SHANK2: variants seen among roughly 807,000 people sequenced by gnomAD.
SHANK2 encodes SH3 and multiple ankyrin repeat domains protein 2.
Under a neutral mutation model 133.7 loss-of-function variants are expected in SHANK2, and 43 were observed. That is an observed-to-expected ratio of 0.32 (90% CI 0.25 to 0.41). SHANK2 has a LOEUF of 0.41. Among genes scored for constraint, SHANK2 ranks in the 10% least tolerant of loss-of-function variants. The pLI, the probability that SHANK2 is intolerant of heterozygous loss-of-function variation, is 1.00. For synonymous variants in SHANK2, 1,017 were observed against 952.8 expected (o/e 1.07, Z -1.24); for missense variants, 1,994 against 2,235.8 (o/e 0.89, Z 2.18).
chr11:70,647,847 G>A (rs571979748), intron 17 of SHANK2, among the ~76,000 whole-genome samples: 3 of 152,194 alleles, frequency 2.0e-5, no homozygotes, highest in Non-Finnish European at 4.4e-5. Context: ...CCCCGGATGG[G>A]GACTCTGGGG....
intron 12 of SHANK2, among the ~76,000 whole-genome samples, chr11:70,813,729 T>C (rs915264471): frequency 6.6e-6 from 1 of 152,128 alleles, no homozygotes; most frequent in Admixed American, 6.5e-5. Flanking sequence ...GGCTGACAGT[T>C]GTTTTAAAGT....
At chr11:70,671,212 C>T (rs1944798027) in intron 15 of SHANK2, among the ~76,000 whole-genome samples, 1 of 152,216 alleles carries the variant, frequency 6.6e-6, no homozygotes, top group African/African-American at 2.4e-5. Context: ...TACGGCTTAA[C>T]TGCGCTCATG....
chr11:70,667,462 G>A (rs1279865066), intron 15 of SHANK2, among the ~76,000 whole-genome samples: 4 of 152,140 alleles, frequency 2.6e-5, no homozygotes, highest in Non-Finnish European at 2.9e-5. Context: ...GTCTCTCCCC[G>A]CTGGCAGGCC....
intron 1 of SHANK2, among the ~76,000 whole-genome samples, chr11:71,235,589 C>T (rs1360478404): frequency 8.9e-6 from 1 of 112,014 alleles, no homozygotes; most frequent in African/African-American, 4.7e-5. Context: ...GTGAAACTCT[C>T]TCTCGGGGAA....
chr11:70,616,573 C>T (rs922239004), intron 17 of SHANK2, among the ~76,000 whole-genome samples: 1 of 152,150 alleles, frequency 6.6e-6, no homozygotes, highest in Non-Finnish European at 1.5e-5. Flanking sequence ...GGCACTGTTC[C>T]CCACAGACCC....
intron 17 of SHANK2, among the ~76,000 whole-genome samples, chr11:70,551,861 G>A (rs912704520): frequency 1.3e-4 from 20 of 152,346 alleles, no homozygotes; most frequent in South Asian, 4.1e-4. Flanking sequence ...ACAGTCAGGA[G>A]TGCTGGGCTA....
Position 70,811,637 on chromosome 11 carries a change from T to TCATCCATCCATC in SHANK2, c.1494-4478_1494-4467dup, listed in dbSNP as rs140137476. 3.5e-3 allele frequency among the ~76,000 whole-genome samples: 510 copies of TCATCCATCCATC among 147,642 alleles called. 3 individuals are homozygous for TCATCCATCCATC. The highest frequency in any genetic ancestry group is 0.012 in the African/African-American group (495 of 39,766). ...ATCTACCTATCCATCATCCATCCAC[T>TCATCCATCCATC]CATCCATCCATCCATCCATCCATCA... On this transcript the variant is annotated intron_variant, in intron 12 of 25. Transcript: ENST00000601538.
intron 4 of SHANK2, among the ~76,000 whole-genome samples, chr11:71,114,343 A>T (rs1951941577): frequency 6.6e-6 from 1 of 152,194 alleles, no homozygotes. Flanking sequence ...AGAGCCAGCA[A>T]AAACCGCCCC....
intron 3 of SHANK2, among the ~76,000 whole-genome samples, chr11:71,139,420 T>C (rs1437818908): frequency 4.6e-5 from 7 of 151,882 alleles, no homozygotes; most frequent in African/African-American, 1.7e-4. Context: ...AGTTAATGGG[T>C]GCAGCACAGC....
At chr11:70,876,064 G>A (rs1555071175) in intron 11 of SHANK2, among the ~76,000 whole-genome samples, 1 of 151,822 alleles carries the variant, frequency 6.6e-6, no homozygotes, top group African/African-American at 2.4e-5. Flanking sequence ...GCTGAGGCAG[G>A]AGAATCACTT....
chr11:70,811,680 T>C (rs1948283567), intron 12 of SHANK2, among the ~76,000 whole-genome samples: 1 of 148,972 alleles, frequency 6.7e-6, no homozygotes, highest in African/African-American at 2.5e-5. Context: ...ATCCATCCAT[T>C]CATCCAACAT....
intron 2 of SHANK2, among the ~76,000 whole-genome samples, chr11:71,210,544 C>A (rs1023767771): frequency 6.6e-6 from 1 of 151,942 alleles, no homozygotes. Flanking sequence ...GCCACCATGC[C>A]CAGCCCAGAT....
At chr11:70,492,276 AC>A (rs1252655472) in intron 22 of SHANK2, 58 bp downstream of exon 22, 2 of 1,599,564 alleles carry the variant, frequency 1.3e-6, no homozygotes, top group Admixed American at 1.7e-5. Flanking sequence ...GAGACAGCCC[AC>A]CCACTTCCTG....
At position 70,485,247 on chromosome 11, in the gene SHANK2, G is replaced by T. The variant is rs2058784162; in HGVS notation, c.4979+67C>A. On this transcript the variant is annotated intron_variant, in intron 25 of 25. Transcript: ENST00000601538. This position sits in a 1 kb window ranked among gnomAD's most constrained non-coding sequence, Gnocchi z 5.8. ...GTGTCCGCTGGGGCTGCTACCCGAG[G>T]GCCTTTCCTGGTCAGCAGGGACAGT... 3 of 1,381,798 alleles carry T rather than the reference G, an allele frequency of 2.2e-6. No individual in the cohort carries two copies. The highest frequency in any genetic ancestry group is 3.1e-6 in the Non-Finnish European group (3 of 975,348). 85.6% of individuals were successfully genotyped at this position (1,381,798 alleles called of 1,614,324 possible).
At chr11:71,112,066 A>G (rs565133415) in intron 5 of SHANK2, among the ~76,000 whole-genome samples, 2 of 152,352 alleles carry the variant, frequency 1.3e-5, no homozygotes, top group African/African-American at 2.4e-5. Flanking sequence ...ACAAAAATCA[A>G]TAATGATAAT....
intron 2 of SHANK2, among the ~76,000 whole-genome samples, chr11:71,151,302 C>T (rs1308463358): frequency 1.3e-5 from 2 of 152,054 alleles, no homozygotes; most frequent in African/African-American, 4.8e-5. Context: ...TAGGAGAAAG[C>T]TGATACCCAC....
chr11:70,651,696 G>A lies in SHANK2; in HGVS notation c.2061+8132C>T, dbSNP rs114441842. Among the ~76,000 whole-genome samples, 1,492 of 152,316 alleles carry A rather than the reference G, an allele frequency of 9.8e-3. 19 individuals are homozygous for A. The highest frequency in any genetic ancestry group is 0.034 in the African/African-American group (1,424 of 41,558). On this transcript the variant is annotated intron_variant, in intron 17 of 25. Coordinates refer to ENST00000601538, the MANE Select transcript of SHANK2 (RefSeq NM_012309.5). ...ACAGAAACACCCCACACTCAAGAGG[G>A]ATGCAGGACAGACCCTGTTTGTCTT...
rs1555153144 is a variant in SHANK2, at chr11:70,485,891, G to C, written c.4402C>G (p.Leu1468Val). Residue 1468 changes from leucine to valine, a missense_variant, in exon 25 of 26, where the codon CTT becomes GTT. Physicochemically the swap from Leu to Val is conservative, Grantham distance 32. This residue lies in a region of SHANK2 where 797 missense variants were observed against 907.4 expected (regional missense o/e 0.88). Transcript: ENST00000601538. The surrounding 1 kb of genome is among the most constrained non-coding windows in gnomAD (Gnocchi z 5.8). ...NSADSKKPAS[L>V]SNCLPASFLP... The stretch of plus-strand genomic sequence containing the variant: ...AATGAGGCAGGCAGACAGTTTGAAA[G>C]ACTGGCTGGCTTCTTGCTGTCTGCA... 2 of 1,614,052 alleles carry C rather than the reference G, an allele frequency of 1.2e-6. No individual in the cohort carries two copies. Among genetic ancestry groups the C allele is most frequent in the African/African-American group, 1.3e-5 (1 of 74,934 alleles).
chr11:71,095,416 G>A (rs1405411713), intron 6 of SHANK2, among the ~76,000 whole-genome samples: 1 of 152,146 alleles, frequency 6.6e-6, no homozygotes, highest in Admixed American at 6.5e-5. Context: ...TGCCCACCAT[G>A]GCCACTGCTA....
Sources: allele counts gnomAD v4.1 joint callset (sites outside exome capture counted in the v4.1 genomes callset), GRCh38; gene constraint gnomAD v4.1.1; regional missense constraint gnomAD v4.1.1; non-coding constraint Gnocchi (gnomAD v3.1); transcripts MANE v1.5; gene names NCBI Gene and HGNC (gene_info 2026-07-23, HGNC 2026-07-21).